Variants in NHS observed in about 807,000 individuals in gnomAD.
The protein encoded by NHS is NHS actin remodeling regulator.
A neutral mutation model predicts 72.5 loss-of-function variants in NHS; 5 were observed. That is an observed-to-expected ratio of 0.07 (90% CI 0.04 to 0.14). NHS has a LOEUF of 0.14. NHS is among the 10% of genes least tolerant of loss of function. The probability of loss-of-function intolerance (pLI) is 1.00; values close to 1 mark genes in which losing one functional copy is unlikely to be tolerated. For synonymous variants in NHS, 464 were observed against 547.7 expected, an observed-to-expected ratio of 0.85 and a Z score of 2.13; for missense variants, 1,072 against 1,355.7, an observed-to-expected ratio of 0.79 and a Z score of 3.29.
chrX:17,539,795 A>C (rs1355367205), intron 1 of NHS, among the ~76,000 whole-genome samples: 1 of 111,749 alleles, frequency 8.9e-6, no homozygotes, highest in Non-Finnish European at 1.9e-5. Flanking sequence ...TACACTCCTC[A>C]GTGCTCTTTA....
chrX:17,586,171 A>T (rs916747528), intron 1 of NHS: 5 of 111,324 alleles, frequency 4.5e-5, no homozygotes, highest in Non-Finnish European at 7.5e-5. Flanking sequence ...ATTTAAGAAT[A>T]TGGGTCTGGA....
intron 1 of NHS, among the ~76,000 whole-genome samples, chrX:17,501,650 CT>C (rs1385971820): frequency 9.0e-6 from 1 of 110,903 alleles, no homozygotes; most frequent in Non-Finnish European, 1.9e-5. Flanking sequence ...ATGCTTGAGT[CT>C]GGGAGGTCAA....
At chrX:17,552,035 A>G (rs200712615) in intron 1 of NHS, among the ~76,000 whole-genome samples, 22,210 of 111,319 alleles carry the variant, frequency 0.2, 1,796 homozygotes, top group South Asian at 0.42. Flanking sequence ...TAAAGGGAGG[A>G]AACCGAGGCT....
intron 1 of NHS, among the ~76,000 whole-genome samples, chrX:17,467,253 A>G (rs1176126893): frequency 8.9e-6 from 1 of 112,609 alleles, no homozygotes; most frequent in African/African-American, 3.2e-5. Flanking sequence ...ATTCCAAAAA[A>G]AGAAAAAAAG....
intron 3 of NHS, among the ~76,000 whole-genome samples, chrX:17,712,885 A>G (rs2066343174): frequency 9.0e-6 from 1 of 111,562 alleles, no homozygotes; most frequent in Non-Finnish European, 1.9e-5. Flanking sequence ...CAAAGGTCAA[A>G]CCCAGAAAGG....
chrX:17,418,073 A>G (rs989916409), intron 1 of NHS, among the ~76,000 whole-genome samples: 15 of 111,930 alleles, frequency 1.3e-4, no homozygotes, highest in African/African-American at 4.2e-4. Context: ...ATTATTTATC[A>G]TGAAGCTGCT....
chrX:17,697,905 A>G (rs1422699997), intron 3 of NHS, among the ~76,000 whole-genome samples: 2 of 109,730 alleles, frequency 1.8e-5, no homozygotes, highest in African/African-American at 3.3e-5. Flanking sequence ...TTAAAATGGT[A>G]TAAGAAAAAA....
intron 1 of NHS, among the ~76,000 whole-genome samples, chrX:17,536,229 C>T (rs2065222646): frequency 8.9e-6 from 1 of 111,956 alleles, no homozygotes; most frequent in Non-Finnish European, 1.9e-5. Flanking sequence ...GTGGCGGGTG[C>T]CTGTAGTCCC....
At chrX:17,400,772 G>A (rs780406225) in intron 1 of NHS, among the ~76,000 whole-genome samples, 14 of 111,579 alleles carry the variant, frequency 1.3e-4, no homozygotes, top group Non-Finnish European at 2.3e-4. Context: ...TTGCGTTCGC[G>A]GATCAGAAGA....
intron 1 of NHS, among the ~76,000 whole-genome samples, chrX:17,485,893 C>T (rs1372351361): frequency 8.9e-6 from 1 of 111,862 alleles, no homozygotes; most frequent in Non-Finnish European, 1.9e-5. Flanking sequence ...TGACAGCCTT[C>T]CTGTTGAGCA....
chrX:17,405,050 T>C (rs372049255), intron 1 of NHS, among the ~76,000 whole-genome samples: 1 of 111,812 alleles, frequency 8.9e-6, no homozygotes, highest in African/African-American at 3.3e-5. Context: ...TCAATGTGGG[T>C]GTTCAGTAGA....
intron 2 of NHS, among the ~76,000 whole-genome samples, chrX:17,688,553 C>T (rs1488309163): frequency 9.0e-6 from 1 of 111,435 alleles, no homozygotes; most frequent in Non-Finnish European, 1.9e-5. Flanking sequence ...CTCTTGAGAA[C>T]CAGTGATCGG....
At chrX:17,411,846 G>A (rs998784611) in intron 1 of NHS, among the ~76,000 whole-genome samples, 22 of 111,634 alleles carry the variant, frequency 2.0e-4, no homozygotes, top group African/African-American at 5.9e-4. Context: ...TTCTCCATGA[G>A]CAAGTAATTT....
At chrX:17,404,514 T>C (rs2064518439) in intron 1 of NHS, among the ~76,000 whole-genome samples, 1 of 111,575 alleles carries the variant, frequency 9.0e-6, no homozygotes. Context: ...TCTTGCAAGG[T>C]ACAATTCCTA....
At chrX:17,607,104 A>G (rs2065684318) in intron 1 of NHS, among the ~76,000 whole-genome samples, 1 of 111,120 alleles carries the variant, frequency 9.0e-6, no homozygotes, top group Non-Finnish European at 1.9e-5. Context: ...TCTGAGTCTC[A>G]TGATAAAAGC....
chrX:17,409,124 G>A (rs1471908009), intron 1 of NHS, among the ~76,000 whole-genome samples: 1 of 112,340 alleles, frequency 8.9e-6, no homozygotes, highest in Non-Finnish European at 1.9e-5. Flanking sequence ...GGGGGTTAGG[G>A]CTTCAGCATA....
intron 1 of NHS, among the ~76,000 whole-genome samples, chrX:17,554,768 C>T (rs987414134): frequency 5.3e-5 from 6 of 112,207 alleles, no homozygotes. Context: ...TATTTGTCTC[C>T]AAGAGTGTGA....
intron 1 of NHS, among the ~76,000 whole-genome samples, chrX:17,648,166 T>C (rs1366919025): frequency 8.9e-6 from 1 of 111,940 alleles, no homozygotes; most frequent in Non-Finnish European, 1.9e-5. Context: ...TGGTCTGGGA[T>C]GGCTCAGTTA....
intron 1 of NHS, among the ~76,000 whole-genome samples, chrX:17,555,233 T>A (rs1274718959): frequency 1.8e-5 from 2 of 109,116 alleles, no homozygotes; most frequent in Non-Finnish European, 3.8e-5. Context: ...GGGTTATTTT[T>A]TTTTTTTTTT....
Sources: gnomAD v4.1 joint callset for allele counts (sites outside exome capture counted in the v4.1 genomes callset) on GRCh38, gnomAD v4.1.1 for gene constraint, MANE v1.5 for transcripts, NCBI Gene and HGNC (gene_info 2026-07-23, HGNC 2026-07-21) for gene names.